The following TRPC4 variants were observed in gnomAD, a reference collection of about 807,000 sequenced individuals.
TRPC4 encodes the protein transient receptor potential cation channel subfamily C member 4, also known as short transient receptor potential channel 4.
Under a neutral mutation model 99.4 loss-of-function variants are expected in TRPC4, and 49 were observed. The ratio of observed to expected loss-of-function variants is 0.49; its 90% confidence interval spans 0.39 to 0.63. The LOEUF is 0.63. Ranked by LOEUF, TRPC4 falls within the 20% of genes least tolerant of loss-of-function variation. The probability of loss-of-function intolerance (pLI) is 0.00; values close to 1 mark genes in which losing one functional copy is unlikely to be tolerated. For missense variants in TRPC4, 898 were observed against 1,152.9 expected (o/e 0.78, Z 3.20); for synonymous variants, 454 against 425.9 (o/e 1.07, Z -0.81).
chr13:37,744,155 C>T (rs919743517), intron 3 of TRPC4, among the ~76,000 whole-genome samples: 3 of 152,112 alleles, frequency 2.0e-5, no homozygotes, highest in African/African-American at 7.2e-5. Flanking sequence ...ATTCTTTAAA[C>T]CCCCTTCTCC....
intron 2 of TRPC4, among the ~76,000 whole-genome samples, chr13:37,753,950 C>T (rs1016160188): frequency 2.6e-5 from 4 of 152,034 alleles, no homozygotes; most frequent in African/African-American, 9.7e-5. Context: ...CCGAGCCTGC[C>T]ACCTCAAAGC....
At chr13:37,783,396 T>G (rs1956894649) in intron 1 of TRPC4, 36 bp from the exon 2 acceptor site, 1 of 1,456,676 alleles carries the variant, frequency 6.9e-7, no homozygotes, top group African/African-American at 1.4e-5. Flanking sequence ...AGATTAGTGT[T>G]AATATGCTTT....
chr13:37,759,132 A>T (rs1956163468), intron 2 of TRPC4, among the ~76,000 whole-genome samples: 1 of 151,770 alleles, frequency 6.6e-6, no homozygotes, highest in Admixed American at 6.6e-5. Context: ...ACTTTTGATT[A>T]TGTATTTAAA....
intron 1 of TRPC4, among the ~76,000 whole-genome samples, chr13:37,815,386 A>G (rs1957821240): frequency 6.6e-6 from 1 of 151,946 alleles, no homozygotes. Flanking sequence ...TCTCACATGC[A>G]ATGACACCCA....
In TRPC4 at chr13:37,783,268, T is replaced by A; in HGVS notation, c.66A>T (p.Ile22=). ...APYRDRIPLR[I]VRAESELSPS... ...GCGAGAGTTCTGATTCTGCTCTTAC[T>A]ATCCTTAGAGGGATGCGGTCTCTAT... Residue 22 remains isoleucine (I), a synonymous_variant, in exon 2 of 11, where the codon ATA becomes ATT. Coordinates refer to ENST00000379705, the MANE Select transcript of TRPC4 (RefSeq NM_016179.4). 1 of 1,613,540 alleles carries A rather than the reference T, an allele frequency of 6.2e-7. No individual in the cohort carries two copies. Among genetic ancestry groups the A allele is most frequent in the South Asian group, 1.1e-5 (1 of 91,050 alleles).
intron 1 of TRPC4, among the ~76,000 whole-genome samples, chr13:37,817,537 A>G (rs774783496): frequency 6.6e-6 from 1 of 152,014 alleles, no homozygotes; most frequent in South Asian, 2.1e-4. Flanking sequence ...TAAAATTTAC[A>G]TGGGACCAAA....
At position 37,644,522 on chromosome 13, in the gene TRPC4, G is replaced by A. The variant is rs542099210; in HGVS notation, c.2080-5223C>T. Among the ~76,000 whole-genome samples, 8 of 152,216 alleles carry A rather than the reference G, an allele frequency of 5.3e-5. No individual in the cohort carries two copies. In the South Asian group the frequency reaches 1.7e-3, roughly 32 times the overall value. ...ATTATAGCATGGTAGACCTGTGTTA[G>A]GAATAAAGGATTTCTCAGTGAATGA... On this transcript the variant is annotated intron_variant, in intron 8 of 10. Coordinates refer to ENST00000379705, the MANE Select transcript of TRPC4 (RefSeq NM_016179.4).
At chr13:37,652,349 C>T (rs1952073491) in intron 7 of TRPC4, among the ~76,000 whole-genome samples, 1 of 152,210 alleles carries the variant, frequency 6.6e-6, no homozygotes, top group South Asian at 2.1e-4. Context: ...GAATAATCTT[C>T]AACTAGGCTT....
intron 2 of TRPC4, among the ~76,000 whole-genome samples, chr13:37,751,408 G>GAGAAAGAA (rs35963071): frequency 3.3e-5 from 5 of 151,708 alleles, no homozygotes; most frequent in African/African-American, 7.3e-5. Flanking sequence ...GAGAGAGAGA[G>GAGAAAGAA]AGAAAGAAAG....
rs563437111 is a variant in TRPC4 at position 37,653,485 on chromosome 13, A to T, written c.1884+1603T>A. Among the ~76,000 whole-genome samples, 18 of 152,104 alleles carry T rather than the reference A, an allele frequency of 1.2e-4. No homozygotes were observed. The East Asian group carries it at 3.1e-3, about 26-fold the overall frequency. Reference sequence around the variant, plus strand: ...AGGAAGGAAGAAAGAAAAAGAGAAAATTCTGCTATTCTGGGACAGGTGTAA... The same window carrying T: ...AGGAAGGAAGAAAGAAAAAGAGAAATTTCTGCTATTCTGGGACAGGTGTAA... On this transcript the variant is annotated intron_variant, in intron 7 of 10. Coordinates refer to ENST00000379705, the MANE Select transcript of TRPC4 (RefSeq NM_016179.4).
chr13:37,655,866 C>G (rs1036476571), intron 6 of TRPC4, among the ~76,000 whole-genome samples: 5 of 152,090 alleles, frequency 3.3e-5, no homozygotes, highest in Non-Finnish European at 7.4e-5. Flanking sequence ...TAAGTCATCA[C>G]TAATAAATGA....
intron 1 of TRPC4, among the ~76,000 whole-genome samples, chr13:37,860,358 T>C (rs1343007748): frequency 6.6e-6 from 1 of 151,432 alleles, no homozygotes; most frequent in Non-Finnish European, 1.5e-5. Context: ...CATGTAATGA[T>C]ATTATCTTCA....
chr13:37,783,715 A>G lies in TRPC4; in HGVS notation c.-27-355T>C, dbSNP rs146737107. 6.4e-3 allele frequency among the ~76,000 whole-genome samples: 968 copies of G among 152,264 alleles called. 2 individuals are homozygous for G. The highest frequency in any genetic ancestry group is 0.012 in the Non-Finnish European group (812 of 67,994). On this transcript the variant is annotated intron_variant, in intron 1 of 10. Transcript: ENST00000379705. ...TCAATCACTTTGAGTATCAGAGGCC[A>G]TATTTTTGAGATCTCAAAACTAGAC...
At chr13:37,861,845 T>G (rs769757473) in intron 1 of TRPC4, among the ~76,000 whole-genome samples, 1 of 151,550 alleles carries the variant, frequency 6.6e-6, no homozygotes, top group Admixed American at 6.6e-5. Flanking sequence ...TCCTTTATTT[T>G]AGAGGCTCTC....
chr13:37,705,984 A>G (rs901734038), intron 3 of TRPC4, among the ~76,000 whole-genome samples: 1 of 152,084 alleles, frequency 6.6e-6, no homozygotes, highest in Non-Finnish European at 1.5e-5. Context: ...TCCGCTTCAG[A>G]TTCCCCTCAT....
chr13:37,695,990 C>T (rs956970505), intron 3 of TRPC4, among the ~76,000 whole-genome samples: 1 of 152,134 alleles, frequency 6.6e-6, no homozygotes, highest in South Asian at 2.1e-4. Flanking sequence ...TTGTATTAGT[C>T]AGTTTTTATA....
rs564549160 is a variant in TRPC4, at chr13:37,778,060, G to A, written c.378+4896C>T. Among the ~76,000 whole-genome samples, 47 of 152,142 alleles carry A rather than the reference G, an allele frequency of 3.1e-4. 1 individual carries two copies. In the South Asian group the frequency reaches 9.3e-3, roughly 30 times the overall value. On this transcript the variant is annotated intron_variant, in intron 2 of 10. Coordinates refer to ENST00000379705, the MANE Select transcript of TRPC4 (RefSeq NM_016179.4). ...TTATAAATGGCATTATAATATTCAT[G>A]ATAGAGACAGTCTGAATGTGTACAT...
At chr13:37,780,069 C>T (rs1262022160) in intron 2 of TRPC4, among the ~76,000 whole-genome samples, 1 of 152,030 alleles carries the variant, frequency 6.6e-6, no homozygotes, top group East Asian at 1.9e-4. Context: ...GTGTCTCCTC[C>T]TCAGGGCCCA....
chr13:37,800,473 G>A (rs1277638912), intron 1 of TRPC4, among the ~76,000 whole-genome samples: 7 of 152,020 alleles, frequency 4.6e-5, no homozygotes, highest in African/African-American at 1.7e-4. Flanking sequence ...TTTACAAGAG[G>A]ACTAATTTCT....
Sources: allele counts gnomAD v4.1 joint callset (sites outside exome capture counted in the v4.1 genomes callset), GRCh38; gene constraint gnomAD v4.1.1; transcripts MANE v1.5; gene names NCBI Gene and HGNC (gene_info 2026-07-23, HGNC 2026-07-21).